Variants in MALT1 observed in about 807,000 individuals in gnomAD.
MALT1 encodes the protein mucosa-associated lymphoid tissue lymphoma translocation protein 1.
In MALT1, 36 loss-of-function variants were observed where a neutral mutation model predicts 85.5. The observed-to-expected ratio is 0.42, with a 90% CI of 0.32 to 0.56. The LOEUF (loss-of-function observed/expected upper bound fraction) is 0.56. MALT1 is among the 20% of genes least tolerant of loss of function. The probability of loss-of-function intolerance (pLI) is 0.10; values close to 1 mark genes in which losing one functional copy is unlikely to be tolerated. For missense variants in MALT1, 716 were observed against 981.6 expected (o/e 0.73, Z 3.62); for synonymous variants, 359 against 361.3 (o/e 0.99, Z 0.07).
intron 7 of MALT1, among the ~76,000 whole-genome samples, chr18:58,711,868 A>C (rs907158467): frequency 6.6e-6 from 1 of 152,326 alleles, no homozygotes; most frequent in African/African-American, 2.4e-5. Context: ...CTCTTGTAAG[A>C]GAGTTCTAAT....
At chr18:58,698,986 C>T (rs557718391) in intron 3 of MALT1, among the ~76,000 whole-genome samples, 1 of 152,284 alleles carries the variant, frequency 6.6e-6, no homozygotes, top group Admixed American at 6.5e-5. Context: ...TTATGGCAGC[C>T]TCATTTCCCA....
Position 58,753,053 on chromosome 18 carries a change from T to G in MALT1, c.*5211T>G, listed in dbSNP as rs2055468329. 1 of 152,208 alleles carries G rather than the reference T, an allele frequency of 6.6e-6. No homozygotes were observed. 9.4% of individuals were successfully genotyped at this position (152,208 alleles called of 1,614,324 possible). A position where few individuals can be genotyped will look rare whatever the true frequency, so the allele number is the denominator to read the frequency against. On this transcript the variant is annotated 3_prime_UTR_variant, in exon 17 of 17. Coordinates refer to ENST00000649217, the MANE Select transcript of MALT1 (RefSeq NM_006785.4). ...TGCTGTAACATCAAAGAGCTTATAA[T>G]ACTTTCCAGAGCTGGCAGTACTAAA... is the stretch of plus-strand genomic sequence containing the variant.
intron 2 of MALT1, among the ~76,000 whole-genome samples, chr18:58,695,903 T>C (rs1351346383): frequency 1.3e-5 from 2 of 152,206 alleles, no homozygotes; most frequent in African/African-American, 4.8e-5. Context: ...ACATTGCAAC[T>C]TAACACGTCT....
chr18:58,733,279 T>C, intron 10 of MALT1, 118 bp from the exon 11 acceptor site: 1 of 655,568 alleles, frequency 1.5e-6, no homozygotes, highest in South Asian at 2.1e-5. Context: ...TTACATATGC[T>C]CACATCAACC....
chr18:58,721,239 C>G, intron 9 of MALT1, among the ~76,000 whole-genome samples: 1 of 152,072 alleles, frequency 6.6e-6, no homozygotes, highest in Non-Finnish European at 1.5e-5. Flanking sequence ...ATTAGCTGGG[C>G]GTGGTGGCGC....
intron 1 of MALT1, 69 bp downstream of exon 1, chr18:58,671,921 G>T (rs2054168166): frequency 1.3e-5 from 14 of 1,106,722 alleles, no homozygotes; most frequent in Admixed American, 4.4e-5. Context: ...GGAGGTGGGG[G>T]CGCTGTCGGT....
chr18:58,705,289 C>CGTGTGTGTGTGTGTGTGT (rs59890170), intron 4 of MALT1, among the ~76,000 whole-genome samples: 1 of 147,000 alleles, frequency 6.8e-6, no homozygotes, highest in African/African-American at 2.5e-5. Context: ...TGTAAAAGTA[C>CGTGTGTGTGTGTGTGTGT]GTGTGTGTGT....
intron 10 of MALT1, among the ~76,000 whole-genome samples, chr18:58,723,817 A>G (rs1420884582): frequency 6.6e-6 from 1 of 152,238 alleles, no homozygotes; most frequent in Non-Finnish European, 1.5e-5. Flanking sequence ...CTTACAGTAA[A>G]TATTTAATGT....
At chr18:58,723,366 G>A in intron 10 of MALT1, 115 bp downstream of exon 10, 6 of 666,202 alleles carry the variant, frequency 9.0e-6, no homozygotes. Context: ...TTGAATGGAA[G>A]AGTTTTATTT....
rs958340186 is a variant in MALT1 at position 58,704,479 on chromosome 18, AGG to A, written c.649+3891_649+3892del. ...CTTTCTTTTTTGTTTTGTTTTGAGA[AGG>A]GGTCTCACTCTGTCACCGAGGTTGG... On this transcript the variant is annotated intron_variant, in intron 4 of 16. Coordinates refer to ENST00000649217, the MANE Select transcript of MALT1 (RefSeq NM_006785.4). 6.6e-5 allele frequency among the ~76,000 whole-genome samples: 10 copies of A among 152,166 alleles called. No homozygotes were observed. The East Asian group carries it at 1.9e-3, about 29-fold the overall frequency.
intron 1 of MALT1, among the ~76,000 whole-genome samples, chr18:58,678,653 G>A (rs555539466): frequency 5.9e-5 from 9 of 152,244 alleles, no homozygotes; most frequent in African/African-American, 1.9e-4. Context: ...AATCCAGGCT[G>A]CTACCCGTTT....
Position 58,685,003 on chromosome 18 carries a change from G to C in MALT1, c.376+3667G>C, listed in dbSNP as rs558325052. Among the ~76,000 whole-genome samples the C allele has an allele frequency of 2.4e-4, 36 of 152,200 alleles. No homozygotes were observed. The South Asian group carries it at 7.5e-3, about 32-fold the overall frequency. ...AATAAAACAATCGTTTCCACCTGCT[G>C]ATAGGTCATAGTTTAGTAGGGGAGA... On this transcript the variant is annotated intron_variant, in intron 2 of 16. Transcript: ENST00000649217.
chr18:58,707,747 G>GT (rs2054774127), intron 4 of MALT1, among the ~76,000 whole-genome samples: 1 of 152,122 alleles, frequency 6.6e-6, no homozygotes, highest in Non-Finnish European at 1.5e-5. Flanking sequence ...TCAGGAACTA[G>GT]ACACACCCCT....
chr18:58,731,915 A>G (rs923962387), intron 10 of MALT1, among the ~76,000 whole-genome samples: 2 of 152,162 alleles, frequency 1.3e-5, no homozygotes, highest in East Asian at 1.9e-4. Flanking sequence ...ATATAAACCC[A>G]CACTTGAAAA....
chr18:58,734,159 G>A (rs757911219), intron 11 of MALT1, 148 bp from the exon 12 acceptor site: 1 of 1,138,322 alleles, frequency 8.8e-7, no homozygotes. Context: ...GGGTAGATAT[G>A]TAGCTACCTA....
At chr18:58,741,207 G>T (rs1048153889) in intron 13 of MALT1, among the ~76,000 whole-genome samples, 1 of 151,630 alleles carries the variant, frequency 6.6e-6, no homozygotes, top group Admixed American at 6.6e-5. Context: ...TGATAATCTT[G>T]GTCTTTTAAT....
rs1439049639 is a variant in MALT1 at position 58,745,762 on chromosome 18, A to G, written c.2008A>G (p.Thr670Ala). 3.1e-6 allele frequency: 5 copies of G among 1,613,804 alleles called. No homozygotes were observed. The highest frequency in any genetic ancestry group is 4.2e-6 in the Non-Finnish European group (5 of 1,179,854). The change falls in exon 16 of 17, where the codon ACC (threonine) becomes GCC (alanine). Residue 670 changes from threonine to alanine, a missense_variant. By Grantham distance (58) the Thr-to-Ala change is moderately conservative. Around this residue, in one of 4 missense-constraint regions of MALT1, gnomAD observed 260 missense variants for 323.7 expected, o/e 0.80. Transcript: ENST00000649217. ...GGATCTTCCCAAGCATTGCCTCTAT[A>G]CCAGACTCAGTTCACTGCAAAAATT... ...SKDLPKHCLY[T>A]RLSSLQKLKE... is the part of the protein sequence containing the mutation.
chr18:58,682,146 G>A (rs2054331682), intron 2 of MALT1, among the ~76,000 whole-genome samples: 1 of 152,256 alleles, frequency 6.6e-6, no homozygotes, highest in South Asian at 2.1e-4. Flanking sequence ...TCTATTTTAC[G>A]TGGTTTTGAT....
At chr18:58,713,685 G>A (rs1457761405) in intron 7 of MALT1, among the ~76,000 whole-genome samples, 1 of 152,156 alleles carries the variant, frequency 6.6e-6, no homozygotes, top group East Asian at 1.9e-4. Context: ...GAGAAATTAG[G>A]TATGGGGTAT....
Sources: gnomAD v4.1 joint callset for allele counts (sites outside exome capture counted in the v4.1 genomes callset) on GRCh38, gnomAD v4.1.1 for gene constraint, gnomAD v4.1.1 regional missense constraint, MANE v1.5 for transcripts, NCBI Gene and HGNC (gene_info 2026-07-23, HGNC 2026-07-21) for gene names.